The following FAAH2 variants were observed in gnomAD, a reference collection of about 807,000 sequenced individuals.
FAAH2 encodes the protein fatty-acid amide hydrolase 2.
In FAAH2, 60 loss-of-function variants were observed where a neutral mutation model predicts 36.9. The observed-to-expected ratio is 1.63, with a 90% confidence interval of 1.32 to 2.02. FAAH2 has a LOEUF of 2.02. Among genes scored for constraint, FAAH2 ranks in the 30% most tolerant of loss-of-function variants. The pLI, the probability that FAAH2 is intolerant of heterozygous loss-of-function variation, is 0.00. For synonymous variants in FAAH2, 214 were observed against 143.8 expected, an observed-to-expected ratio of 1.49 and a Z score of -3.49; for missense variants, 689 against 397.5, an observed-to-expected ratio of 1.73 and a Z score of -6.23.
At chrX:57,366,918 A>G (rs111249834) in intron 5 of FAAH2, among the ~76,000 whole-genome samples, 3,042 of 111,711 alleles carry the variant, frequency 0.027, 45 homozygotes, top group Middle Eastern at 0.14. Context: ...TCTTTGGGGA[A>G]TTGGCAGCCA....
At chrX:57,426,597 A>T (rs1294760151) in intron 7 of FAAH2, among the ~76,000 whole-genome samples, 1 of 112,094 alleles carries the variant, frequency 8.9e-6, no homozygotes, top group Non-Finnish European at 1.9e-5. Flanking sequence ...TTCCAAAAGG[A>T]ACCCTTGAAC....
intron 2 of FAAH2, among the ~76,000 whole-genome samples, chrX:57,299,818 A>C (rs964894915): frequency 8.0e-5 from 9 of 111,919 alleles, no homozygotes; most frequent in Non-Finnish European, 1.7e-4. Context: ...AATAACAGAC[A>C]AACAGAGAGC....
intron 10 of FAAH2, among the ~76,000 whole-genome samples, chrX:57,459,681 C>T (rs2147212110): frequency 8.9e-6 from 1 of 112,496 alleles, no homozygotes; most frequent in South Asian, 3.7e-4. Flanking sequence ...TCTGCAGCCT[C>T]TGCTGGTGAT....
At chrX:57,395,749 T>G (rs1391194929) in intron 7 of FAAH2, among the ~76,000 whole-genome samples, 5 of 111,972 alleles carry the variant, frequency 4.5e-5, no homozygotes, top group South Asian at 3.7e-4. Flanking sequence ...TGTTTAAATT[T>G]GCTAATATTT....
At chrX:57,420,973 G>C (rs1485464185) in intron 7 of FAAH2, among the ~76,000 whole-genome samples, 2 of 112,332 alleles carry the variant, frequency 1.8e-5, no homozygotes, top group African/African-American at 6.5e-5. Flanking sequence ...CATCTATTGA[G>C]ATAATTATGT....
the FAAH2 span, among the ~76,000 whole-genome samples, chrX:57,276,501 A>G: frequency 1.8e-5 from 2 of 111,785 alleles, no homozygotes; most frequent in Non-Finnish European, 3.8e-5. Context: ...CCCTAACACC[A>G]CAGTTGAAAT....
At chrX:57,220,450 A>G in the FAAH2 span, among the ~76,000 whole-genome samples, 1 of 111,157 alleles carries the variant, frequency 9.0e-6, no homozygotes, top group Non-Finnish European at 1.9e-5. Flanking sequence ...CTCAGAAGGA[A>G]TCAGTATTTT....
chrX:57,371,548 G>A (rs773256600), intron 5 of FAAH2, among the ~76,000 whole-genome samples: 2 of 109,584 alleles, frequency 1.8e-5, no homozygotes, highest in Non-Finnish European at 3.8e-5. Flanking sequence ...TAGACGTGCA[G>A]GTGCATGTGT....
At chrX:57,273,015 T>A in the FAAH2 span, among the ~76,000 whole-genome samples, 2 of 111,646 alleles carry the variant, frequency 1.8e-5, no homozygotes, top group African/African-American at 3.3e-5. Context: ...ATTCAGAAGA[T>A]CTACCTCATG....
intron 5 of FAAH2, among the ~76,000 whole-genome samples, chrX:57,357,508 AT>A (rs2054187361): frequency 8.9e-6 from 1 of 111,967 alleles, no homozygotes; most frequent in Admixed American, 9.5e-5. Context: ...AAACATCCTC[AT>A]CAAAAAGTGG....
At chrX:57,468,307 G>A (rs2057090158) in intron 10 of FAAH2, among the ~76,000 whole-genome samples, 4 of 111,672 alleles carry the variant, frequency 3.6e-5, no homozygotes, top group Admixed American at 2.9e-4. Flanking sequence ...CTGAGCTAAA[G>A]GAGCAAGTTC....
At chrX:57,245,852 C>A in the FAAH2 span, among the ~76,000 whole-genome samples, 1 of 111,389 alleles carries the variant, frequency 9.0e-6, no homozygotes, top group East Asian at 2.8e-4. Context: ...CCAAAGCTAT[C>A]AGAAGACAAG....
At chrX:57,332,089 GA>G (rs1187035317) in intron 4 of FAAH2, among the ~76,000 whole-genome samples, 2 of 111,427 alleles carry the variant, frequency 1.8e-5, no homozygotes, top group Non-Finnish European at 3.8e-5. Flanking sequence ...TAGAGACTAG[GA>G]AAAAAAAGTG....
the FAAH2 span, among the ~76,000 whole-genome samples, chrX:57,279,707 T>C: frequency 4.0e-4 from 45 of 112,159 alleles, no homozygotes; most frequent in Non-Finnish European, 8.3e-4. Flanking sequence ...TCAATAAATA[T>C]GATTCATCAC....
intron 4 of FAAH2, among the ~76,000 whole-genome samples, chrX:57,337,591 T>C (rs2053585553): frequency 2.7e-5 from 3 of 112,064 alleles, no homozygotes; most frequent in African/African-American, 9.7e-5. Context: ...ACGATGCAAG[T>C]TTGGCTGAAC....
chrX:57,371,864 T>G (rs1291049683), intron 5 of FAAH2, among the ~76,000 whole-genome samples: 1 of 111,715 alleles, frequency 9.0e-6, no homozygotes, highest in Admixed American at 9.5e-5. Flanking sequence ...GTTTACCCAA[T>G]GTTTAATTTA....
At chrX:57,338,425 T>C (rs2053607377) in intron 4 of FAAH2, among the ~76,000 whole-genome samples, 1 of 111,656 alleles carries the variant, frequency 9.0e-6, no homozygotes, top group African/African-American at 3.3e-5. Flanking sequence ...ACACTTCTTT[T>C]GTGGTGGAAT....
intron 8 of FAAH2, among the ~76,000 whole-genome samples, chrX:57,440,373 G>T (rs138244692): frequency 0.011 from 1,166 of 110,982 alleles, 17 homozygotes; most frequent in African/African-American, 0.037. Context: ...ATTGTAAATG[G>T]GAATTCACTC....
intron 5 of FAAH2, among the ~76,000 whole-genome samples, chrX:57,356,851 AC>A (rs1395979569): frequency 9.0e-6 from 1 of 110,866 alleles, no homozygotes; most frequent in East Asian, 2.8e-4. Context: ...CAGGTTTGTT[AC>A]ATAGGTATAT....
Sources: gnomAD v4.1 joint callset for allele counts (sites outside exome capture counted in the v4.1 genomes callset) on GRCh38, gnomAD v4.1.1 for gene constraint, MANE v1.5 for transcripts, NCBI Gene and HGNC (gene_info 2026-07-23, HGNC 2026-07-21) for gene names.